Variants in AGTPBP1 observed in about 807,000 individuals in gnomAD.
The protein encoded by AGTPBP1 is ATP/GTP binding carboxypeptidase 1.
Under a neutral mutation model 143.9 loss-of-function variants are expected in AGTPBP1, and 70 were observed. That is an observed-to-expected ratio of 0.49 (90% CI 0.40 to 0.59). AGTPBP1 has a LOEUF of 0.59. Ranked by LOEUF, AGTPBP1 falls within the 20% of genes least tolerant of loss-of-function variation. The probability of loss-of-function intolerance (pLI) is 0.00; values close to 1 mark genes in which losing one functional copy is unlikely to be tolerated. For missense variants in AGTPBP1, 1,229 were observed against 1,464.5 expected, an observed-to-expected ratio of 0.84 and a Z score of 2.62; for synonymous variants, 463 against 500.2, an observed-to-expected ratio of 0.93 and a Z score of 0.99.
chr9:85,753,658 A>G, the AGTPBP1 span, among the ~76,000 whole-genome samples: 1 of 152,074 alleles, frequency 6.6e-6, no homozygotes, highest in Admixed American at 6.5e-5. Context: ...AGGCTGAGGC[A>G]GGAGAATCGC....
the AGTPBP1 span, among the ~76,000 whole-genome samples, chr9:85,799,077 C>T: frequency 0.056 from 8,512 of 151,998 alleles, 818 homozygotes; most frequent in African/African-American, 0.19. Flanking sequence ...TGAGAACGTG[C>T]GGTGTTTGGT....
Position 85,646,314 on chromosome 9 carries a change from T to C in AGTPBP1, c.1185+7A>G. The C allele has an allele frequency of 6.2e-7, 1 of 1,604,850 alleles. No individual in the cohort carries two copies. The highest frequency in any genetic ancestry group is 8.5e-7 in the Non-Finnish European group (1 of 1,173,318). On this transcript the variant is annotated splice_region_variant and intron_variant, in intron 12 of 25. Coordinates refer to ENST00000357081, the MANE Select transcript of AGTPBP1 (RefSeq NM_001330701.2). ...AAAGCTAACTAATTACAGAAATTTA[T>C]ACTAACCTTAAAATTTTGATCTAGG...
At chr9:85,801,583 T>C in the AGTPBP1 span, among the ~76,000 whole-genome samples, 1 of 152,014 alleles carries the variant, frequency 6.6e-6, no homozygotes, top group Non-Finnish European at 1.5e-5. Flanking sequence ...TAAAGCACTG[T>C]CATTTAAATT....
chr9:85,741,324 C>A (rs1824249870), intron 1 of AGTPBP1: 1 of 985,290 alleles, frequency 1.0e-6, no homozygotes, highest in Non-Finnish European at 1.2e-6. Flanking sequence ...CAGGGGCCCG[C>A]GATTCAGCGG....
chr9:85,790,597 T>C, the AGTPBP1 span, among the ~76,000 whole-genome samples: 1 of 152,206 alleles, frequency 6.6e-6, no homozygotes, highest in Non-Finnish European at 1.5e-5. Context: ...ATGATGGCTT[T>C]TGATATTTTG....
At chr9:85,628,542 C>G (rs1049063654) in intron 14 of AGTPBP1, among the ~76,000 whole-genome samples, 2 of 152,068 alleles carry the variant, frequency 1.3e-5, no homozygotes, top group African/African-American at 4.8e-5. Context: ...CCATCAAGGT[C>G]GTGAAAATCA....
In AGTPBP1 at chr9:85,741,871, G is replaced by A. The variant is rs1382171854; in HGVS notation, c.-130C>T. ...GATCCCTCGCCGCCCGCCGCCCGGT[G>A]TTTTCATACAAACCCCGGTGGCAGG... On this transcript the variant is annotated 5_prime_UTR_variant, in exon 1 of 26. Transcript: ENST00000357081. The A allele has an allele frequency of 2.2e-6, 3 of 1,393,072 alleles. No individual in the cohort carries two copies. Among genetic ancestry groups the A allele is most frequent in the East Asian group, 6.2e-5 (2 of 32,458 alleles). 86.3% of individuals were successfully genotyped at this position (1,393,072 alleles called of 1,614,324 possible). A position where few individuals can be genotyped will look rare whatever the true frequency, so the allele number is the denominator to read the frequency against.
chr9:85,635,469 T>A, intron 13 of AGTPBP1, among the ~76,000 whole-genome samples: 1 of 152,216 alleles, frequency 6.6e-6, no homozygotes, highest in East Asian at 1.9e-4. Context: ...GGAAACATGG[T>A]AGGCTAAGTA....
intron 14 of AGTPBP1, among the ~76,000 whole-genome samples, chr9:85,627,321 C>T (rs1396822288): frequency 6.6e-6 from 1 of 152,132 alleles, no homozygotes; most frequent in Non-Finnish European, 1.5e-5. Flanking sequence ...GCATCCTGCC[C>T]TGCCCTGACA....
chr9:85,768,244 T>A, the AGTPBP1 span, among the ~76,000 whole-genome samples: 1 of 152,214 alleles, frequency 6.6e-6, no homozygotes, highest in Non-Finnish European at 1.5e-5. Context: ...GAAACTGAAT[T>A]TATACGAAAT....
the AGTPBP1 span, among the ~76,000 whole-genome samples, chr9:85,771,906 G>A: frequency 2.6e-5 from 4 of 151,718 alleles, no homozygotes; most frequent in Non-Finnish European, 2.9e-5. Flanking sequence ...TGATCCGCCC[G>A]CCTCGGCCTC....
chr9:85,612,902 C>A (rs1223848449), intron 17 of AGTPBP1, among the ~76,000 whole-genome samples: 1 of 150,930 alleles, frequency 6.6e-6, no homozygotes, highest in Non-Finnish European at 1.5e-5. Context: ...TTTCTCCTCA[C>A]TAAACAATGT....
chr9:85,729,501 A>G (rs772405052), intron 1 of AGTPBP1, among the ~76,000 whole-genome samples: 7 of 152,178 alleles, frequency 4.6e-5, no homozygotes, highest in Non-Finnish European at 1.0e-4. Flanking sequence ...TATGGGCAAC[A>G]AAAACAAAAA....
At chr9:85,730,474 G>T (rs1461119293) in intron 1 of AGTPBP1, among the ~76,000 whole-genome samples, 2 of 152,112 alleles carry the variant, frequency 1.3e-5, no homozygotes, top group Non-Finnish European at 2.9e-5. Context: ...CTTTTCCAGG[G>T]ACCCACTCCT....
At chr9:85,791,992 C>T in the AGTPBP1 span, among the ~76,000 whole-genome samples, 1 of 152,090 alleles carries the variant, frequency 6.6e-6, no homozygotes, top group East Asian at 1.9e-4. Flanking sequence ...TTTGAAGAAC[C>T]ATGAATGATA....
chr9:85,736,394 G>C (rs1051518168), intron 1 of AGTPBP1, among the ~76,000 whole-genome samples: 1 of 152,136 alleles, frequency 6.6e-6, no homozygotes, highest in African/African-American at 2.4e-5. Context: ...AGGGTAATTA[G>C]CAAATCCATC....
At chr9:85,805,339 C>G in the AGTPBP1 span, 1 of 152,036 alleles carries the variant, frequency 6.6e-6, no homozygotes, top group Admixed American at 6.6e-5. Flanking sequence ...CCCGCCTGCT[C>G]GCAGCTGCGC....
At chr9:85,587,761 G>A (rs1828706497) in intron 21 of AGTPBP1, among the ~76,000 whole-genome samples, 1 of 152,014 alleles carries the variant, frequency 6.6e-6, no homozygotes, top group South Asian at 2.1e-4. Context: ...AAATTACCAG[G>A]ATAAATTTAC....
At chr9:85,556,145 T>C (rs1826327616) in intron 25 of AGTPBP1, among the ~76,000 whole-genome samples, 1 of 152,078 alleles carries the variant, frequency 6.6e-6, no homozygotes, top group Non-Finnish European at 1.5e-5. Context: ...GTTTAAAAAA[T>C]ACTACTAATA....
Sources: allele counts gnomAD v4.1 joint callset (sites outside exome capture counted in the v4.1 genomes callset), GRCh38; gene constraint gnomAD v4.1.1; transcripts MANE v1.5; gene names NCBI Gene and HGNC (gene_info 2026-07-23, HGNC 2026-07-21).